RAVER2: variants seen among roughly 807,000 people sequenced by gnomAD.
RAVER2 encodes the protein ribonucleoprotein, PTB binding 2, also known as ribonucleoprotein PTB-binding 2.
Under a neutral mutation model 78.1 loss-of-function variants are expected in RAVER2, and 46 were observed. The ratio of observed to expected loss-of-function variants is 0.59; its 90% CI spans 0.46 to 0.75. RAVER2 has a LOEUF of 0.75. RAVER2 is among the 30% of genes least tolerant of loss of function. The probability of loss-of-function intolerance (pLI) is 0.00; values close to 1 mark genes in which losing one functional copy is unlikely to be tolerated. For synonymous variants in RAVER2, 311 were observed against 313.3 expected, an observed-to-expected ratio of 0.99 and a Z score of 0.08; for missense variants, 793 against 837.5, an observed-to-expected ratio of 0.95 and a Z score of 0.66.
intron 5 of RAVER2, among the ~76,000 whole-genome samples, chr1:64,799,970 T>C (rs1653213339): frequency 6.6e-6 from 1 of 152,222 alleles, no homozygotes; most frequent in South Asian, 2.1e-4. Context: ...TGGGGTGAGA[T>C]GGTATCTTAT....
chr1:64,798,766 C>T (rs1009328951), intron 5 of RAVER2, among the ~76,000 whole-genome samples: 1 of 152,002 alleles, frequency 6.6e-6, no homozygotes, highest in Admixed American at 6.6e-5. Flanking sequence ...AAATTAACTC[C>T]TCCACTCAAG....
intron 1 of RAVER2, among the ~76,000 whole-genome samples, chr1:64,753,669 G>T (rs538275299): frequency 1.3e-5 from 2 of 151,220 alleles, no homozygotes; most frequent in African/African-American, 2.4e-5. Flanking sequence ...GATTACAGGC[G>T]CCCGCCACCA....
intron 11 of RAVER2, among the ~76,000 whole-genome samples, chr1:64,825,352 C>T (rs914590743): frequency 6.6e-6 from 1 of 152,130 alleles, no homozygotes; most frequent in East Asian, 1.9e-4. Context: ...TTTGGTTCTC[C>T]GTATACCTGA....
intron 5 of RAVER2, among the ~76,000 whole-genome samples, chr1:64,793,447 A>C (rs72918088): frequency 0.015 from 2,352 of 152,246 alleles, 61 homozygotes; most frequent in African/African-American, 0.054. Flanking sequence ...CAAAAATACA[A>C]TAAATATAAT....
intron 1 of RAVER2, among the ~76,000 whole-genome samples, chr1:64,750,369 G>A (rs1651666181): frequency 6.6e-6 from 1 of 150,960 alleles, no homozygotes; most frequent in Non-Finnish European, 1.5e-5. Context: ...GAGTGCAGTG[G>A]TGTGATCATA....
At position 64,789,407 on chromosome 1, in the gene RAVER2, G is replaced by GCTTA; in HGVS notation, c.1002_1005dup (p.Pro336ThrfsTer33). The GCTTA allele has an allele frequency of 6.2e-7, 1 of 1,608,286 alleles. No individual in the cohort carries two copies. The highest frequency in any genetic ancestry group is 8.5e-7 in the Non-Finnish European group (1 of 1,176,798). On this transcript the variant is annotated frameshift_variant, in exon 5 of 12. Coordinates refer to ENST00000294428, the Ensembl canonical transcript of RAVER2. LOFTEE classifies it high-confidence loss of function. ...TTGCAGATGCACAGTAATCAAAAGG[G>GCTTA]CTTACTTCCAGAGCCAAATCCAGTA... is the stretch of plus-strand genomic sequence containing the variant.
chr1:64,761,360 A>T (rs1008574180), intron 1 of RAVER2, among the ~76,000 whole-genome samples: 2 of 152,208 alleles, frequency 1.3e-5, no homozygotes, highest in Non-Finnish European at 2.9e-5. Flanking sequence ...GGTGTGGGAC[A>T]TCCAAATGCA....
At chr1:64,750,311 T>C (rs566403070) in intron 1 of RAVER2, among the ~76,000 whole-genome samples, 1 of 151,364 alleles carries the variant, frequency 6.6e-6, no homozygotes, top group East Asian at 1.9e-4. Flanking sequence ...TCTTTTCTTT[T>C]TTTTTTTTTT....
exon 9 of RAVER2, chr1:64,807,247 A>G (rs779043573): frequency 6.2e-7 from 1 of 1,614,174 alleles, no homozygotes. Context: ...AACAGCTGGA[A>G]TGGGCATGTT....
chr1:64,831,668 G>A (rs1322943921), exon 12 of RAVER2: 1 of 152,148 alleles, frequency 6.6e-6, no homozygotes, highest in Non-Finnish European at 1.5e-5. Flanking sequence ...TAATAAAAGG[G>A]TTTGGCAAAC....
Position 64,745,245 on chromosome 1 carries a change from G to T in RAVER2, c.73G>T (p.Gly25Trp). Residue 25 changes from glycine to tryptophan, a missense_variant, in exon 1 of 12, where the codon GGG becomes TGG. Physicochemically the swap from Gly to Trp is radical, Grantham distance 184. Coordinates refer to ENST00000294428, the Ensembl canonical transcript of RAVER2. The surrounding 1 kb of genome is among the most constrained non-coding windows in gnomAD (Gnocchi z 4.3). ...GGGCAGCGCGGCGGGGCTGGGGCCG[G>T]GGCCGGGGCTGCGCGGGCAGGGCCC... 2.5e-6 allele frequency: 3 copies of T among 1,179,338 alleles called. No homozygotes were observed. The highest frequency in any genetic ancestry group is 3.0e-5 in the South Asian group (1 of 33,254). The allele number at this position is 1,179,338 out of a possible 1,614,324, so 73.1% of individuals were successfully genotyped here.
At chr1:64,763,527 G>C (rs1367371655) in intron 1 of RAVER2, among the ~76,000 whole-genome samples, 1 of 152,170 alleles carries the variant, frequency 6.6e-6, no homozygotes, top group African/African-American at 2.4e-5. Flanking sequence ...CTAGAAAGTA[G>C]AGCAATTGGC....
chr1:64,810,749 T>TCTGC (rs1653580900), intron 9 of RAVER2, among the ~76,000 whole-genome samples: 1 of 152,214 alleles, frequency 6.6e-6, no homozygotes, highest in Non-Finnish European at 1.5e-5. Context: ...TATTAAAGTT[T>TCTGC]CTGCCCATTT....
rs936860614 is a variant in RAVER2, at chr1:64,749,123, G to A, written c.249+3702G>A. ...CCAAAGTGCTGGGACCACAGTGTGAGCCACTGCACCCAGCCATCAGTCTCA... is the reference window on the plus strand; with the variant it reads ...CCAAAGTGCTGGGACCACAGTGTGAACCACTGCACCCAGCCATCAGTCTCA... On this transcript the variant is annotated intron_variant, in intron 1 of 11. Transcript: ENST00000294428. Among the ~76,000 whole-genome samples the A allele has an allele frequency of 5.9e-5, 9 of 151,774 alleles. No homozygotes were observed. In the East Asian group the frequency reaches 1.4e-3, roughly 23 times the overall value.
At chr1:64,782,610 T>C (rs1369376842) in intron 4 of RAVER2, among the ~76,000 whole-genome samples, 1 of 152,216 alleles carries the variant, frequency 6.6e-6, no homozygotes, top group African/African-American at 2.4e-5. Flanking sequence ...GCACATTCTG[T>C]GTTTTTACTT....
intron 1 of RAVER2, among the ~76,000 whole-genome samples, chr1:64,761,703 A>G (rs1013426415): frequency 1.3e-5 from 2 of 152,216 alleles, no homozygotes; most frequent in South Asian, 4.1e-4. Flanking sequence ...TAGCTAACAC[A>G]ATACACCTAG....
chr1:64,748,860 CAG>C (rs1651616378), intron 1 of RAVER2, among the ~76,000 whole-genome samples: 1 of 152,168 alleles, frequency 6.6e-6, no homozygotes, highest in Non-Finnish European at 1.5e-5. Context: ...TGTTTTGAGA[CAG>C]GGACTTGCTC....
At chr1:64,789,210 A>G (rs12128391) in intron 4 of RAVER2, among the ~76,000 whole-genome samples, 178 bp from the exon 5 acceptor site, 19,297 of 152,228 alleles carry the variant, frequency 0.13, 1,493 homozygotes, top group Admixed American at 0.22. Flanking sequence ...ATTTTATGCC[A>G]TATGTATAAT....
intron 9 of RAVER2, among the ~76,000 whole-genome samples, chr1:64,808,958 C>G (rs1304161698): frequency 6.6e-6 from 1 of 152,090 alleles, no homozygotes; most frequent in African/African-American, 2.4e-5. Context: ...ATGAGTCTAT[C>G]TACAAGAGGA....
Sources: allele counts gnomAD v4.1 joint callset (sites outside exome capture counted in the v4.1 genomes callset), GRCh38; gene constraint gnomAD v4.1.1; non-coding constraint Gnocchi (gnomAD v3.1); transcripts MANE v1.5; gene names NCBI Gene and HGNC (gene_info 2026-07-23, HGNC 2026-07-21).